The following IMPG2 variants were observed in gnomAD, a reference collection of about 807,000 sequenced individuals.
IMPG2 encodes IPM 200.
In IMPG2, 91 loss-of-function variants were observed where a neutral mutation model predicts 129.2. The ratio of observed to expected loss-of-function variants is 0.70; its 90% CI spans 0.59 to 0.84. The LOEUF (loss-of-function observed/expected upper bound fraction) is 0.84, where lower values mean the gene tolerates loss of function less well. IMPG2 is among the 40% of genes least tolerant of loss of function. The pLI, the probability that IMPG2 is intolerant of heterozygous loss-of-function variation, is 0.00. For synonymous variants in IMPG2, 510 were observed against 517.7 expected (o/e 0.99, Z 0.20); for missense variants, 1,430 against 1,461.7 (o/e 0.98, Z 0.35).
intron 3 of IMPG2, among the ~76,000 whole-genome samples, chr3:101,296,045 C>T (rs532351504): frequency 3.3e-5 from 5 of 152,262 alleles, no homozygotes; most frequent in Non-Finnish European, 1.5e-5. Flanking sequence ...TACTTGAATA[C>T]CATTTATTTC....
rs556665072 is a variant in IMPG2, at chr3:101,242,778, C to T, written c.2932G>A (p.Ala978Thr). ...AAGTCTTCCAGAATCATGTACACCG[C>T]ATTGTTGACGTTAGGAGGGACAGAA... The part of the protein sequence containing the change: ...ANSVPPNVNN[A>T]VYMILEDFCT... Residue 978 changes from alanine (A) to threonine (T), a missense_variant, in exon 14 of 19, where the codon GCG (alanine) becomes ACG (threonine). Physicochemically the swap from Ala to Thr is moderately conservative, Grantham distance 58 (BLOSUM62 0). Transcript: ENST00000193391. 3.8e-5 allele frequency: 61 copies of T among 1,614,000 alleles called. 2 individuals are homozygous for T. The Admixed American group carries it at 9.0e-4, about 24-fold the overall frequency.
intron 9 of IMPG2, among the ~76,000 whole-genome samples, chr3:101,262,650 ATACAAAACAAC>A (rs1318440588): frequency 6.6e-6 from 1 of 151,978 alleles, no homozygotes; most frequent in East Asian, 1.9e-4. Flanking sequence ...AACAAAGAAT[ATACAAAACAAC>A]TAGAAAACAA....
At position 101,253,808 on chromosome 3, in the gene IMPG2, AT is replaced by A. The variant is rs1706570369; in HGVS notation, c.1154-28del. 7 of 1,489,360 alleles carry A rather than the reference AT, an allele frequency of 4.7e-6. No individual in the cohort carries two copies. The East Asian group carries it at 1.6e-4, about 34-fold the overall frequency. 92.3% of individuals were successfully genotyped at this position (1,489,360 alleles called of 1,614,324 possible). ...TGAGGAAAGAACAATATTAAAGAAC[AT>A]TTTTAGATGAGGCCCTATTGTATTT... On this transcript the variant is annotated intron_variant, in intron 10 of 18. Coordinates refer to ENST00000193391, the MANE Select transcript of IMPG2 (RefSeq NM_016247.4).
intron 3 of IMPG2, among the ~76,000 whole-genome samples, chr3:101,292,470 C>T (rs960625776): frequency 1.3e-5 from 2 of 152,120 alleles, no homozygotes; most frequent in Non-Finnish European, 2.9e-5. Flanking sequence ...AAGGTATATA[C>T]CTTAATTTTA....
intron 4 of IMPG2, among the ~76,000 whole-genome samples, chr3:101,284,731 A>C (rs1385848962): frequency 6.6e-6 from 1 of 152,202 alleles, no homozygotes; most frequent in Non-Finnish European, 1.5e-5. Flanking sequence ...CAGGATTTCA[A>C]TGCACTTCCA....
chr3:101,238,626 A>T (rs1706372412), intron 14 of IMPG2, among the ~76,000 whole-genome samples: 4 of 152,210 alleles, frequency 2.6e-5, no homozygotes, highest in Admixed American at 2.6e-4. Flanking sequence ...ACTAAGCTTC[A>T]TATGCAAAGA....
chr3:101,242,820 G>T lies in IMPG2; in HGVS notation c.2890C>A (p.Arg964=). The T allele has an allele frequency of 6.2e-7, 1 of 1,613,956 alleles. No individual in the cohort carries two copies. ...FRNGSIVVNS[R]MKFANSVPPN... ...GGGACAGAATTGGCAAACTTCATTC[G>T]ACTGTTCACCACAATGCTGCCATTT... The change falls in exon 14 of 19, where the codon CGA becomes AGA. Residue 964 remains arginine, a synonymous_variant. Coordinates refer to ENST00000193391, the MANE Select transcript of IMPG2 (RefSeq NM_016247.4).
chr3:101,277,929 C>T (rs1198859948), intron 4 of IMPG2, among the ~76,000 whole-genome samples: 1 of 152,198 alleles, frequency 6.6e-6, no homozygotes, highest in African/African-American at 2.4e-5. Flanking sequence ...GTTTTCAACT[C>T]ATAGCAATTA....
chr3:101,306,595 TA>T (rs1707191446), intron 2 of IMPG2, among the ~76,000 whole-genome samples: 1 of 152,084 alleles, frequency 6.6e-6, no homozygotes, highest in Admixed American at 6.5e-5. Flanking sequence ...TCTGGGTCAG[TA>T]AAAACTAACA....
intron 4 of IMPG2, among the ~76,000 whole-genome samples, chr3:101,290,064 A>T (rs485195): frequency 0.72 from 109,545 of 151,400 alleles, 40,607 homozygotes; most frequent in East Asian, 0.84. Flanking sequence ...AGAGAAGTTA[A>T]TCGAGCCAAT....
At chr3:101,235,442 T>A (rs1706335730) in intron 14 of IMPG2, among the ~76,000 whole-genome samples, 1 of 152,212 alleles carries the variant, frequency 6.6e-6, no homozygotes, top group Non-Finnish European at 1.5e-5. Flanking sequence ...TATTTAAAAA[T>A]TTTGAAACTT....
chr3:101,246,077 G>A lies in IMPG2; in HGVS notation c.1268C>T (p.Ser423Leu). 6.2e-7 allele frequency: 1 copy of A among 1,614,114 alleles called. No homozygotes were observed. Among genetic ancestry groups the A allele is most frequent in the Non-Finnish European group, 8.5e-7 (1 of 1,179,992 alleles). The change falls in exon 12 of 19, where the codon TCA becomes TTA. Residue 423 changes from serine to leucine, a missense_variant. Ser to Leu is a moderately radical substitution (Grantham distance 145). Transcript: ENST00000193391. Reference sequence around the variant, plus strand: ...ACTGCTGGTGATGGATTCATCTGCTGAGGGCCATGCAGCTTGAAAGGTATT... The same window carrying A: ...ACTGCTGGTGATGGATTCATCTGCTAAGGGCCATGCAGCTTGAAAGGTATT... ...LDNTFQAAWP[S>L]ADESITSSIP...
intron 2 of IMPG2, among the ~76,000 whole-genome samples, chr3:101,311,676 T>A (rs1322166276): frequency 6.6e-6 from 1 of 152,230 alleles, no homozygotes; most frequent in African/African-American, 2.4e-5. Flanking sequence ...GTTATCAGAA[T>A]ACATGCTGAC....
intron 11 of IMPG2, among the ~76,000 whole-genome samples, chr3:101,246,946 A>C (rs1559643931): frequency 6.6e-6 from 1 of 152,086 alleles, no homozygotes; most frequent in Non-Finnish European, 1.5e-5. Context: ...ACAACAAAAA[A>C]TTAGCCAGGC....
intron 15 of IMPG2, 130 bp downstream of exon 15, chr3:101,232,651 C>T (rs898268738): frequency 4.1e-6 from 3 of 736,564 alleles, no homozygotes; most frequent in African/African-American, 3.5e-5. Context: ...AGATGGCTCC[C>T]ATCTATTGCC....
At chr3:101,270,748 C>T (rs1420776899) in intron 7 of IMPG2, among the ~76,000 whole-genome samples, 1 of 151,708 alleles carries the variant, frequency 6.6e-6, no homozygotes, top group African/African-American at 2.4e-5. Flanking sequence ...TGCAGTGAGC[C>T]GAGATCGCGC....
rs569601986 is a variant in IMPG2 at position 101,294,854 on chromosome 3, CT to C, written c.502-3345del. Among the ~76,000 whole-genome samples, 198 of 152,302 alleles carry C rather than the reference CT, an allele frequency of 1.3e-3. 1 individual carries two copies. The East Asian group carries it at 0.019, about 15-fold the overall frequency. On this transcript the variant is annotated intron_variant, in intron 3 of 18. Transcript: ENST00000193391. ...TTCTCAAATGACCAGTATTGATGAG[CT>C]TTTTTTCATATGTTTGTTGGCTGCA...
chr3:101,316,907 C>T (rs1045374850), intron 2 of IMPG2, among the ~76,000 whole-genome samples: 3 of 151,998 alleles, frequency 2.0e-5, no homozygotes, highest in Non-Finnish European at 2.9e-5. Flanking sequence ...ACTATTGATA[C>T]ACAAAACACA....
chr3:101,265,080 T>C (rs1257963853), intron 9 of IMPG2, among the ~76,000 whole-genome samples: 1 of 152,136 alleles, frequency 6.6e-6, no homozygotes, highest in Non-Finnish European at 1.5e-5. Context: ...CCCATTCTCC[T>C]GGATCAGAAG....
Sources: gnomAD v4.1 joint callset for allele counts (sites outside exome capture counted in the v4.1 genomes callset) on GRCh38, gnomAD v4.1.1 for gene constraint, MANE v1.5 for transcripts, NCBI Gene and HGNC (gene_info 2026-07-23, HGNC 2026-07-21) for gene names.